ADGRB3: variants seen among roughly 807,000 people sequenced by gnomAD.
ADGRB3 encodes the protein brain-specific angiogenesis inhibitor 3.
A neutral mutation model predicts 193.4 loss-of-function variants in ADGRB3; 37 were observed. That is an observed-to-expected ratio of 0.19 (90% confidence interval 0.15 to 0.25). ADGRB3 has a LOEUF of 0.25. ADGRB3 is among the 10% of genes least tolerant of loss of function. ADGRB3 has a pLI of 1.00. For missense variants in ADGRB3, 1,637 were observed against 1,852.9 expected, an observed-to-expected ratio of 0.88 and a Z score of 2.14; for synonymous variants, 690 against 644.2, an observed-to-expected ratio of 1.07 and a Z score of -1.08.
At chr6:68,905,030 G>A (rs186438554) in intron 3 of ADGRB3, among the ~76,000 whole-genome samples, 40 of 152,292 alleles carry the variant, frequency 2.6e-4, no homozygotes, top group Admixed American at 1.2e-3. Context: ...TATGGCCACC[G>A]TGTGTGGACT....
chr6:68,816,748 G>GA (rs147465877), intron 3 of ADGRB3, among the ~76,000 whole-genome samples: 59 of 151,492 alleles, frequency 3.9e-4, no homozygotes, highest in African/African-American at 6.3e-4. Flanking sequence ...ATGAGAAAAA[G>GA]AAAAAAAATA....
chr6:69,173,866 T>A (rs1775354404), intron 17 of ADGRB3, among the ~76,000 whole-genome samples: 1 of 152,174 alleles, frequency 6.6e-6, no homozygotes, highest in Non-Finnish European at 1.5e-5. Flanking sequence ...CAAAGCGTTT[T>A]ATGACTGGGT....
At chr6:69,086,514 T>C (rs542571750) in intron 17 of ADGRB3, among the ~76,000 whole-genome samples, 2 of 152,314 alleles carry the variant, frequency 1.3e-5, no homozygotes, top group South Asian at 4.1e-4. Flanking sequence ...TACTTTACTT[T>C]GTCATTATAA....
Position 68,639,020 on chromosome 6 carries a change from G to T in ADGRB3, c.345G>T (p.Lys115Asn), listed in dbSNP as rs746699209. 3.7e-6 allele frequency: 6 copies of T among 1,613,320 alleles called. No individual in the cohort carries two copies. The highest frequency in any genetic ancestry group is 1.7e-4 in the Middle Eastern group (1 of 6,060). The change falls in exon 3 of 32, where the codon AAG (lysine) becomes AAT (asparagine). Residue 115 changes from lysine to asparagine, a missense_variant. This residue lies in a region of ADGRB3 where 365 missense variants were observed against 409.8 expected (regional missense o/e 0.89). Transcript: ENST00000370598. Reference sequence around the variant, plus strand: ...CTATAATGCAACTCTGCAATTCCAAGAATGCTTTCGTTTTTCTACAGTATG... The same window carrying T: ...CTATAATGCAACTCTGCAATTCCAATAATGCTTTCGTTTTTCTACAGTATG... Reference protein sequence around the residue: ...NHSIMQLCNSKNAFVFLQYDK... With the variant: ...NHSIMQLCNSNNAFVFLQYDK...
chr6:68,975,363 T>A (rs1317908534), intron 10 of ADGRB3, 23 bp downstream of exon 10: 2 of 1,563,700 alleles, frequency 1.3e-6, no homozygotes, highest in East Asian at 4.5e-5. Context: ...CCAGCTTTAG[T>A]ACTTGCTCTG....
At chr6:68,745,162 T>C (rs987689630) in intron 3 of ADGRB3, among the ~76,000 whole-genome samples, 4 of 152,184 alleles carry the variant, frequency 2.6e-5, no homozygotes, top group Non-Finnish European at 5.9e-5. Context: ...AGCAGCACTA[T>C]TCACTGTAGC....
chr6:68,780,565 A>G (rs1353099722), intron 3 of ADGRB3, among the ~76,000 whole-genome samples: 1 of 152,076 alleles, frequency 6.6e-6, no homozygotes, highest in Non-Finnish European at 1.5e-5. Context: ...ATGGATGAGC[A>G]CCTTATTTAT....
intron 3 of ADGRB3, among the ~76,000 whole-genome samples, chr6:68,674,448 G>C (rs776332661): frequency 6.6e-6 from 1 of 151,382 alleles, no homozygotes; most frequent in East Asian, 1.9e-4. Flanking sequence ...GATGTCACAG[G>C]GGAAATTCAA....
intron 31 of ADGRB3, among the ~76,000 whole-genome samples, chr6:69,388,040 CTT>C (rs1770111292): frequency 6.6e-6 from 1 of 152,028 alleles, no homozygotes; most frequent in Non-Finnish European, 1.5e-5. Context: ...ATCTTTCAAA[CTT>C]TATAGAATTT....
intron 13 of ADGRB3, among the ~76,000 whole-genome samples, chr6:69,047,470 A>G (rs1324219595): frequency 2.6e-5 from 4 of 151,052 alleles, no homozygotes; most frequent in African/African-American, 4.8e-5. Flanking sequence ...GATATGTATT[A>G]TAATATTTAT....
chr6:69,066,193 G>GTT (rs1391424198), intron 16 of ADGRB3, among the ~76,000 whole-genome samples: 2 of 150,882 alleles, frequency 1.3e-5, no homozygotes, highest in African/African-American at 4.9e-5. Flanking sequence ...TTAATATATA[G>GTT]TTATATATAT....
At chr6:68,956,311 G>A (rs1335811894) in intron 7 of ADGRB3, 123 bp downstream of exon 7, 66 of 970,234 alleles carry the variant, frequency 6.8e-5, no homozygotes, top group South Asian at 1.0e-4. Flanking sequence ...ATGTGTGTGT[G>A]TGTGTGTGTG....
chr6:68,826,423 G>A (rs1767845366), intron 3 of ADGRB3, among the ~76,000 whole-genome samples: 1 of 152,108 alleles, frequency 6.6e-6, no homozygotes, highest in Non-Finnish European at 1.5e-5. Flanking sequence ...TAAAAGCAAG[G>A]GAGTCTGCTT....
At chr6:69,004,462 G>A (rs897944362) in intron 11 of ADGRB3, among the ~76,000 whole-genome samples, 1 of 150,754 alleles carries the variant, frequency 6.6e-6, no homozygotes, top group Non-Finnish European at 1.5e-5. Context: ...TGTGCACAAC[G>A]TGCAGGTTTG....
intron 3 of ADGRB3, among the ~76,000 whole-genome samples, chr6:68,782,241 T>C (rs1289106499): frequency 6.6e-6 from 1 of 151,122 alleles, no homozygotes; most frequent in Admixed American, 6.6e-5. Context: ...TTTGTCCTTG[T>C]GATAGTTTGC....
At chr6:69,329,007 A>G (rs1056408904) in intron 22 of ADGRB3, among the ~76,000 whole-genome samples, 2 of 152,174 alleles carry the variant, frequency 1.3e-5, no homozygotes, top group Admixed American at 6.5e-5. Flanking sequence ...TTTTATAGCC[A>G]TAAGTTTTTA....
chr6:68,665,723 A>G (rs1448770434), intron 3 of ADGRB3, among the ~76,000 whole-genome samples: 3 of 151,872 alleles, frequency 2.0e-5, no homozygotes, highest in Non-Finnish European at 4.4e-5. Context: ...CTTCAAATTA[A>G]TAACTATAAA....
At chr6:69,261,044 T>TA (rs1236079184) in intron 20 of ADGRB3, among the ~76,000 whole-genome samples, 1 of 152,038 alleles carries the variant, frequency 6.6e-6, no homozygotes, top group Non-Finnish European at 1.5e-5. Flanking sequence ...CCAATGTTTT[T>TA]ATCATCACCT....
chr6:69,217,763 C>G (rs886677399), intron 17 of ADGRB3, among the ~76,000 whole-genome samples: 13 of 152,124 alleles, frequency 8.5e-5, no homozygotes, highest in African/African-American at 2.7e-4. Context: ...CTTCACAGCC[C>G]CTTTGGCAGT....
Sources: gnomAD v4.1 joint callset for allele counts (sites outside exome capture counted in the v4.1 genomes callset) on GRCh38, gnomAD v4.1.1 for gene constraint, gnomAD v4.1.1 regional missense constraint, MANE v1.5 for transcripts, NCBI Gene and HGNC (gene_info 2026-07-23, HGNC 2026-07-21) for gene names.